PRKN: variants seen among roughly 807,000 people sequenced by gnomAD.
PRKN encodes the protein E3 ubiquitin-protein ligase parkin.
PRKN carries 56 observed loss-of-function variants against 59.5 expected under a neutral mutation model. The observed-to-expected ratio is 0.94, with a 90% CI of 0.76 to 1.18. The LOEUF is 1.18. PRKN is among the 50% of genes most tolerant of loss of function. PRKN has a pLI of 0.00. For missense variants in PRKN, 657 were observed against 596.4 expected (o/e 1.10, Z -1.06); for synonymous variants, 250 against 222.1 (o/e 1.13, Z -1.12).
chr6:161,515,676 C>A (rs1778561708), intron 9 of PRKN, among the ~76,000 whole-genome samples: 1 of 152,160 alleles, frequency 6.6e-6, no homozygotes, highest in African/African-American at 2.4e-5. Flanking sequence ...GAGTACACTG[C>A]CATTTTCAGT....
chr6:161,710,821 TTTCC>T (rs925078089), intron 7 of PRKN, among the ~76,000 whole-genome samples: 6 of 136,034 alleles, frequency 4.4e-5, no homozygotes, highest in African/African-American at 1.3e-4. Flanking sequence ...TCCCTCCCTC[TTTCC>T]TTCCTTCCTT....
At chr6:162,268,595 A>G (rs781637522) in intron 2 of PRKN, among the ~76,000 whole-genome samples, 1 of 152,214 alleles carries the variant, frequency 6.6e-6, no homozygotes, top group Non-Finnish European at 1.5e-5. Flanking sequence ...GGCACAGATA[A>G]TGCTGTTTTA....
rs544069774 is a variant in PRKN at position 161,397,223 on chromosome 6, G to A, written c.1084-10346C>T. Among the ~76,000 whole-genome samples, 175 of 152,318 alleles carry A rather than the reference G, an allele frequency of 1.1e-3. No individual in the cohort carries two copies. Among genetic ancestry groups the A allele is most frequent in the African/African-American group, 4.2e-3 (174 of 41,556 alleles). On this transcript the variant is annotated intron_variant, in intron 9 of 11. Transcript: ENST00000366898. This position sits in a 1 kb window ranked among gnomAD's most constrained non-coding sequence, Gnocchi z 4.2. Reference sequence around the variant, plus strand: ...GGTGCTAGAACATAGTAGGTGATCAGTGTCTCTTTGTGGCAATCCAGGTGC... The same window carrying A: ...GGTGCTAGAACATAGTAGGTGATCAATGTCTCTTTGTGGCAATCCAGGTGC...
intron 7 of PRKN, among the ~76,000 whole-genome samples, chr6:161,605,056 C>T (rs1441593824): frequency 1.3e-5 from 2 of 152,146 alleles, no homozygotes; most frequent in Admixed American, 1.3e-4. Flanking sequence ...GAATAAAATA[C>T]AGATTTAAAT....
intron 1 of PRKN, among the ~76,000 whole-genome samples, chr6:162,597,145 C>T (rs560643439): frequency 6.6e-6 from 1 of 152,212 alleles, no homozygotes; most frequent in East Asian, 1.9e-4. Flanking sequence ...TTGATTTTTT[C>T]TCTTAACCTC....
chr6:161,936,165 C>A (rs151256599), intron 6 of PRKN, among the ~76,000 whole-genome samples: 1 of 151,518 alleles, frequency 6.6e-6, no homozygotes, highest in Admixed American at 6.6e-5. Context: ...TGGAAGTGGT[C>A]GTCAGGCAAA....
intron 2 of PRKN, among the ~76,000 whole-genome samples, chr6:162,288,990 T>C (rs1026981813): frequency 3.9e-5 from 6 of 152,202 alleles, no homozygotes; most frequent in African/African-American, 7.2e-5. Context: ...TGTAGGGTTT[T>C]ACTACAACAT....
At chr6:161,951,222 G>A (rs1490886907) in intron 6 of PRKN, among the ~76,000 whole-genome samples, 1 of 152,092 alleles carries the variant, frequency 6.6e-6, no homozygotes, top group South Asian at 2.1e-4. Flanking sequence ...TGGCAAGACA[G>A]GCTGGGGAAC....
Position 162,698,283 on chromosome 6 carries a change from T to C in PRKN, c.7+29379A>G, listed in dbSNP as rs919832724. Among the ~76,000 whole-genome samples, 7 of 123,102 alleles carry C rather than the reference T, an allele frequency of 5.7e-5. No individual in the cohort carries two copies. The South Asian group carries it at 1.9e-3, about 33-fold the overall frequency. 80.8% of individuals were successfully genotyped at this position (123,102 alleles called of 152,430 possible). A position where few individuals can be genotyped will look rare whatever the true frequency, so the allele number is the denominator to read the frequency against. On this transcript the variant is annotated intron_variant, in intron 1 of 11. Transcript: ENST00000366898. ...CTGAGGGTGGCAATGTGCCTAGATT[T>C]TAACCACTACACTTCCCAACTTCTT...
chr6:162,101,329 G>T (rs1779960256), intron 4 of PRKN, among the ~76,000 whole-genome samples: 1 of 151,392 alleles, frequency 6.6e-6, no homozygotes, highest in Admixed American at 6.6e-5. Flanking sequence ...ACTTATGGAA[G>T]AGACAGTACT....
intron 9 of PRKN, among the ~76,000 whole-genome samples, chr6:161,496,329 A>G (rs757617031): frequency 1.3e-5 from 2 of 152,204 alleles, no homozygotes; most frequent in Non-Finnish European, 2.9e-5. Context: ...CTTTGGAAAT[A>G]GTGTCATTGT....
intron 1 of PRKN, among the ~76,000 whole-genome samples, chr6:162,496,082 A>G (rs1793053700): frequency 6.6e-6 from 1 of 152,086 alleles, no homozygotes; most frequent in South Asian, 2.1e-4. Context: ...TATTAAAAAT[A>G]CAAAAATAGT....
intron 1 of PRKN, among the ~76,000 whole-genome samples, chr6:162,478,634 A>G (rs1422600267): frequency 6.6e-6 from 1 of 152,152 alleles, no homozygotes; most frequent in East Asian, 1.9e-4. Context: ...ACACATTTTA[A>G]GAATTGCGTT....
intron 5 of PRKN, among the ~76,000 whole-genome samples, chr6:162,009,926 A>T (rs1782419909): frequency 6.6e-6 from 1 of 151,228 alleles, no homozygotes; most frequent in Non-Finnish European, 1.5e-5. Flanking sequence ...ACAGAGCAAG[A>T]CTCTGCGTCA....
intron 7 of PRKN, among the ~76,000 whole-genome samples, chr6:161,669,515 A>G (rs1235445731): frequency 1.3e-5 from 2 of 152,204 alleles, no homozygotes; most frequent in Non-Finnish European, 2.9e-5. Flanking sequence ...TCAGCATTGT[A>G]TGTTTCCGAT....
At chr6:161,891,465 T>C (rs950468321) in intron 6 of PRKN, among the ~76,000 whole-genome samples, 3 of 152,180 alleles carry the variant, frequency 2.0e-5, no homozygotes, top group Non-Finnish European at 4.4e-5. Context: ...GAAAATTGGG[T>C]ATCAAAGGTA....
At position 161,544,842 on chromosome 6, in the gene PRKN, C is replaced by T. The variant is rs1307033717; in HGVS notation, c.1083+4012G>A. The stretch of plus-strand genomic sequence containing the variant: ...CCTGTGACACAGTGGAGCAAAGTGT[C>T]TGGAATCTGATTTTCCAATGGACAT... On this transcript the variant is annotated intron_variant, in intron 9 of 11. Coordinates refer to ENST00000366898, the MANE Select transcript of PRKN (RefSeq NM_004562.3). The surrounding 1 kb of genome is among the most constrained non-coding windows in gnomAD (Gnocchi z 5.5). Among the ~76,000 whole-genome samples, 1 of 152,152 alleles carries T rather than the reference C, an allele frequency of 6.6e-6. No individual in the cohort carries two copies. Among genetic ancestry groups the T allele is most frequent in the East Asian group, 1.9e-4 (1 of 5,204 alleles).
At chr6:162,319,301 A>G (rs1195854013) in intron 2 of PRKN, among the ~76,000 whole-genome samples, 1 of 152,014 alleles carries the variant, frequency 6.6e-6, no homozygotes, top group Non-Finnish European at 1.5e-5. Context: ...GGAGGAGCCC[A>G]AGCATCTGTA....
At chr6:162,674,640 T>C (rs761013176) in intron 1 of PRKN, among the ~76,000 whole-genome samples, 3 of 152,160 alleles carry the variant, frequency 2.0e-5, no homozygotes, top group Non-Finnish European at 2.9e-5. Flanking sequence ...GGCCCTGTTG[T>C]GCAATTTGGA....
Sources: allele counts gnomAD v4.1 joint callset (sites outside exome capture counted in the v4.1 genomes callset), GRCh38; gene constraint gnomAD v4.1.1; non-coding constraint Gnocchi (gnomAD v3.1); transcripts MANE v1.5; gene names NCBI Gene and HGNC (gene_info 2026-07-23, HGNC 2026-07-21).